Variants in MUC12 observed in about 807,000 individuals in gnomAD.
MUC12 encodes mucin-12.
A neutral mutation model predicts 230.8 loss-of-function variants in MUC12; 172 were observed. The ratio of observed to expected loss-of-function variants is 0.75; its 90% confidence interval spans 0.66 to 0.85. The LOEUF (loss-of-function observed/expected upper bound fraction) is 0.85. MUC12 is among the 40% of genes least tolerant of loss of function. The pLI, the probability that MUC12 is intolerant of heterozygous loss-of-function variation, is 0.00. For missense variants in MUC12, 3,506 were observed against 5,920.6 expected, an observed-to-expected ratio of 0.59 and a Z score of 13.38; for synonymous variants, 1,259 against 2,401.9, an observed-to-expected ratio of 0.52 and a Z score of 13.91.
At chr7:101,016,556 C>A (rs1004127812) in intron 10 of MUC12, among the ~76,000 whole-genome samples, 2 of 152,170 alleles carry the variant, frequency 1.3e-5, no homozygotes. Flanking sequence ...CTTAGGTGAT[C>A]CGCCCGCCTT....
At position 100,991,813 on chromosome 7, in the gene MUC12, G is replaced by T. The variant is rs1440078500; in HGVS notation, c.1250G>T (p.Gly417Val). ...LAHTSYHSSL[G>V]STETTHFRDS... Reference sequence around the variant, plus strand: ...CATACAAGCTACCACAGCAGCCTGGGCTCAACTGAAACAACACACTTCCGT... The same window carrying T: ...CATACAAGCTACCACAGCAGCCTGGTCTCAACTGAAACAACACACTTCCGT... The change falls in exon 2 of 12, where the codon GGC (glycine) becomes GTC (valine). Residue 417 changes from glycine to valine, a missense_variant. Transcript: ENST00000536621. 5.2e-6 allele frequency: 8 copies of T among 1,537,952 alleles called. No individual in the cohort carries two copies. Among genetic ancestry groups the T allele is most frequent in the Non-Finnish European group, 6.1e-6 (7 of 1,147,064 alleles).
Position 101,004,993 on chromosome 7 carries a change from T to C in MUC12, c.14430T>C (p.Pro4810=), listed in dbSNP as rs1398594278. The C allele has an allele frequency of 1.3e-6, 2 of 1,537,712 alleles. No individual in the cohort carries two copies. The highest frequency in any genetic ancestry group is 3.9e-5 in the Admixed American group (2 of 51,000). Residue 4810 remains proline, a synonymous_variant, in exon 2 of 12, where the codon CCT becomes CCC. Coordinates refer to ENST00000536621, the MANE Select transcript of MUC12 (RefSeq NM_001164462.2). ...KPGSTETTLS[P]GSITTSSFAQ... ...GCTCAACTGAGACAACACTGTCCCC[T>C]GGCAGCATCACAACTTCATCTTTTG...
chr7:100,978,555 A>G (rs1793063961), intron 1 of MUC12, among the ~76,000 whole-genome samples: 1 of 152,162 alleles, frequency 6.6e-6, no homozygotes, highest in African/African-American at 2.4e-5. Context: ...TCTTGGAGAC[A>G]TAGCAAGGAC....
intron 1 of MUC12, among the ~76,000 whole-genome samples, chr7:100,982,818 C>T (rs1793129712): frequency 6.6e-6 from 1 of 152,082 alleles, no homozygotes; most frequent in South Asian, 2.1e-4. Context: ...CAGCCTTGAG[C>T]TCCTGGGCTC....
chr7:100,979,989 C>T (rs930188458), intron 1 of MUC12, among the ~76,000 whole-genome samples: 12 of 150,880 alleles, frequency 8.0e-5, no homozygotes, highest in Non-Finnish European at 1.2e-4. Flanking sequence ...CTCACCACTG[C>T]GCTCCAGTCT....
Position 100,992,574 on chromosome 7 carries a change from A to G in MUC12, c.2011A>G (p.Thr671Ala), listed in dbSNP as rs1400933530. The change falls in exon 2 of 12, where the codon ACC becomes GCC. Residue 671 changes from threonine to alanine, a missense_variant. Thr to Ala is a moderately conservative substitution (Grantham distance 58). Coordinates refer to ENST00000536621, the MANE Select transcript of MUC12 (RefSeq NM_001164462.2). ...CGGCAGCCCGAGCTCAATTCCAACA[A>G]CCCACATTTCTGCCCGCTCCACAAC... Reference protein sequence around the residue: ...SHGSPSSIPTTHISARSTTSG... With the variant: ...SHGSPSSIPTAHISARSTTSG... The G allele has an allele frequency of 2.0e-6, 3 of 1,537,792 alleles. No individual in the cohort carries two copies. The highest frequency in any genetic ancestry group is 2.6e-6 in the Non-Finnish European group (3 of 1,147,008).
rs1307594351 is a variant in MUC12 at position 100,991,450 on chromosome 7, C to A, written c.887C>A (p.Ser296Ter). The A allele has an allele frequency of 1.3e-6, 2 of 1,537,750 alleles. No individual in the cohort carries two copies. Among genetic ancestry groups the A allele is most frequent in the Admixed American group, 2.0e-5 (1 of 50,982 alleles). ...DTSPAPSGTTSAFVKLSTTYH... is the reference protein window; with the variant it reads ...DTSPAPSGTT ...TCGCCTGCACCTTCTGGTACCACAT[C>A]AGCCTTTGTTAAACTATCTACAACT... Residue 296 changes from serine to a stop codon, truncating the protein, a stop_gained, in exon 2 of 12, where the codon TCA becomes TAA. Transcript: ENST00000536621. LOFTEE classifies it high-confidence loss of function.
intron 1 of MUC12, among the ~76,000 whole-genome samples, chr7:100,978,088 A>T (rs1793059100): frequency 6.6e-6 from 1 of 152,182 alleles, no homozygotes; most frequent in South Asian, 2.1e-4. Context: ...TCGCGTTCCC[A>T]GGTACCAGGA....
intron 1 of MUC12, 103 bp downstream of exon 1, chr7:100,969,792 G>T: frequency 6.8e-7 from 1 of 1,476,180 alleles, no homozygotes; most frequent in Non-Finnish European, 9.1e-7. Context: ...CCTCCCCTTT[G>T]CATGGCAAGG....
At chr7:101,017,760 C>T (rs1432742865) in intron 11 of MUC12, 97 bp downstream of exon 11, 2 of 866,362 alleles carry the variant, frequency 2.3e-6, no homozygotes, top group African/African-American at 1.8e-5. Flanking sequence ...CTGGGACTCC[C>T]TTCTCCCCCT....
At chr7:101,016,747 G>T (rs576385726) in intron 10 of MUC12, 1 of 152,500 alleles carries the variant, frequency 6.6e-6, no homozygotes, top group East Asian at 1.9e-4. Context: ...GGCTGAGTGG[G>T]TGGGAGAGGG....
intron 1 of MUC12, among the ~76,000 whole-genome samples, chr7:100,981,008 C>T (rs1413918618): frequency 1.3e-5 from 2 of 152,154 alleles, no homozygotes; most frequent in Non-Finnish European, 2.9e-5. Context: ...GTCAACATCA[C>T]ATGAAAAGGC....
rs146082194 is a variant in MUC12, at chr7:101,007,448, C to T, written c.15058+876C>T. 4.1e-4 allele frequency among the ~76,000 whole-genome samples: 63 copies of T among 152,298 alleles called. No individual in the cohort carries two copies. The Middle Eastern group carries it at 0.017, about 41-fold the overall frequency. ...GTAACCATCCTTCTACGCTCTGCCT[C>T]CATTAGTTCAATTATTTGGACTTTT... is the stretch of plus-strand genomic sequence containing the variant. On this transcript the variant is annotated intron_variant, in intron 3 of 11. Coordinates refer to ENST00000536621, the MANE Select transcript of MUC12 (RefSeq NM_001164462.2).
chr7:100,984,268 T>C lies in MUC12; in HGVS notation c.68-6363T>C, dbSNP rs140478404. On this transcript the variant is annotated intron_variant, in intron 1 of 11. Coordinates refer to ENST00000536621, the MANE Select transcript of MUC12 (RefSeq NM_001164462.2). Reference sequence around the variant, plus strand: ...TTGGTGTACTTTGCATCTTTTTTTTTTTTTTTTTGACAGAGTCTCGCTGTG... The same window carrying C: ...TTGGTGTACTTTGCATCTTTTTTTTCTTTTTTTTGACAGAGTCTCGCTGTG... Among the ~76,000 whole-genome samples the C allele has an allele frequency of 4.6e-3, 695 of 151,858 alleles. 2 individuals carry two copies. The highest frequency in any genetic ancestry group is 6.3e-3 in the Non-Finnish European group (427 of 67,856).
intron 1 of MUC12, among the ~76,000 whole-genome samples, chr7:100,988,289 G>GAAAAAAA (rs1167163725): frequency 5.1e-5 from 4 of 78,722 alleles, no homozygotes; most frequent in Non-Finnish European, 7.7e-5. Flanking sequence ...GGCTGTCCCA[G>GAAAAAAA]AAAAAAAAAA....
intron 1 of MUC12, among the ~76,000 whole-genome samples, chr7:100,983,522 G>A (rs530037069): frequency 3.9e-5 from 6 of 152,060 alleles, no homozygotes; most frequent in Non-Finnish European, 8.8e-5. Context: ...AGACTTCCCA[G>A]CATGCACTGA....
chr7:100,971,657 C>A (rs1005416723), intron 1 of MUC12, among the ~76,000 whole-genome samples: 1 of 152,310 alleles, frequency 6.6e-6, no homozygotes, highest in Non-Finnish European at 1.5e-5. Context: ...GATTTGGGGA[C>A]ATTATGAGAG....
At position 100,990,789 on chromosome 7, in the gene MUC12, G is replaced by C. The variant is rs1371362614; in HGVS notation, c.226G>C (p.Gly76Arg). ...KHFLDSSTNS[G>R]HSEESTVSHS... ...CTTCCTTGACAGCTCCACAAACTCA[G>C]GCCACAGTGAGGAATCAACAGTATC... The change falls in exon 2 of 12, where the codon GGC becomes CGC. Residue 76 changes from glycine to arginine, a missense_variant. Transcript: ENST00000536621. 2.6e-6 allele frequency: 4 copies of C among 1,537,606 alleles called. No homozygotes were observed. The Admixed American group carries it at 7.8e-5, about 30-fold the overall frequency.
intron 1 of MUC12, chr7:100,981,425 G>A (rs1793103616): frequency 1.6e-6 from 1 of 625,570 alleles, no homozygotes. Context: ...GACGGGGATG[G>A]CAGAGCCGAG....
Sources: allele counts gnomAD v4.1 joint callset (sites outside exome capture counted in the v4.1 genomes callset), GRCh38; gene constraint gnomAD v4.1.1; transcripts MANE v1.5; gene names NCBI Gene and HGNC (gene_info 2026-07-23, HGNC 2026-07-21).